The following NDST4 variants were observed in gnomAD, a reference collection of about 807,000 sequenced individuals.
NDST4 encodes N-heparan sulfate sulfotransferase 4.
NDST4 carries 63 observed loss-of-function variants against 100.8 expected under a neutral mutation model. That is an observed-to-expected ratio of 0.62 (90% CI 0.51 to 0.77). The LOEUF is 0.77. Among genes scored for constraint, NDST4 ranks in the 30% least tolerant of loss-of-function variants. The probability of loss-of-function intolerance (pLI) is 0.00; values close to 1 mark genes in which losing one functional copy is unlikely to be tolerated. For synonymous variants in NDST4, 377 were observed against 361.8 expected, an observed-to-expected ratio of 1.04 and a Z score of -0.48; for missense variants, 943 against 1,018.4, an observed-to-expected ratio of 0.93 and a Z score of 1.01.
intron 6 of NDST4, among the ~76,000 whole-genome samples, chr4:114,886,773 A>T (rs1235036317): frequency 6.6e-6 from 1 of 152,164 alleles, no homozygotes; most frequent in African/African-American, 2.4e-5. Context: ...GAGAAAAAAA[A>T]TCCAGCAAGT....
chr4:114,941,338 C>T (rs1725745521), intron 4 of NDST4, among the ~76,000 whole-genome samples: 1 of 151,908 alleles, frequency 6.6e-6, no homozygotes, highest in African/African-American at 2.4e-5. Flanking sequence ...TGTGACCCCT[C>T]CCCTCCCCTC....
chr4:115,013,527 G>A (rs1727607004), intron 2 of NDST4, among the ~76,000 whole-genome samples: 1 of 151,420 alleles, frequency 6.6e-6, no homozygotes, highest in Admixed American at 6.6e-5. Flanking sequence ...GATGTTTTAG[G>A]GACTATAGAG....
intron 2 of NDST4, among the ~76,000 whole-genome samples, chr4:114,977,908 T>G (rs1013235030): frequency 6.6e-6 from 1 of 151,974 alleles, no homozygotes; most frequent in East Asian, 1.9e-4. Flanking sequence ...TGACAAACAT[T>G]TCCCTAGTTT....
At chr4:115,084,611 G>A (rs1729371441) in intron 1 of NDST4, among the ~76,000 whole-genome samples, 1 of 152,166 alleles carries the variant, frequency 6.6e-6, no homozygotes, top group East Asian at 1.9e-4. Flanking sequence ...CGTGCCTCAG[G>A]CTACTCCAGC....
At chr4:115,057,492 C>T (rs377214767) in intron 2 of NDST4, among the ~76,000 whole-genome samples, 4 of 152,002 alleles carry the variant, frequency 2.6e-5, no homozygotes, top group South Asian at 4.1e-4. Context: ...AACCCATGAG[C>T]GGCCTGCAGA....
At chr4:114,947,805 A>G (rs986730998) in intron 4 of NDST4, among the ~76,000 whole-genome samples, 7 of 152,120 alleles carry the variant, frequency 4.6e-5, no homozygotes, top group African/African-American at 1.7e-4. Context: ...TAGTACCTCA[A>G]ATATTTATGT....
chr4:114,925,708 G>A (rs1204795663), intron 6 of NDST4, among the ~76,000 whole-genome samples: 1 of 152,010 alleles, frequency 6.6e-6, no homozygotes, highest in Non-Finnish European at 1.5e-5. Context: ...AATAGGTGAG[G>A]TTTAGTGAGT....
At chr4:115,001,478 G>A (rs1212322417) in intron 2 of NDST4, among the ~76,000 whole-genome samples, 1 of 150,938 alleles carries the variant, frequency 6.6e-6, no homozygotes, top group Non-Finnish European at 1.5e-5. Flanking sequence ...TTTTTTTCCT[G>A]CTTTTTATAC....
At chr4:115,083,322 G>A (rs773069881) in intron 1 of NDST4, among the ~76,000 whole-genome samples, 23 of 151,932 alleles carry the variant, frequency 1.5e-4, no homozygotes, top group Non-Finnish European at 2.4e-4. Flanking sequence ...AGGCAGGTGC[G>A]GTGGTGTGAA....
intron 1 of NDST4, among the ~76,000 whole-genome samples, chr4:115,098,539 GA>G (rs1729665587): frequency 6.6e-6 from 1 of 152,020 alleles, no homozygotes; most frequent in East Asian, 1.9e-4. Flanking sequence ...TATTAAAGGA[GA>G]ATAACAAAGT....
At chr4:115,018,984 C>T (rs1387815747) in intron 2 of NDST4, among the ~76,000 whole-genome samples, 1 of 151,890 alleles carries the variant, frequency 6.6e-6, no homozygotes, top group Non-Finnish European at 1.5e-5. Context: ...AGACAACATT[C>T]CTTCCACTAC....
intron 6 of NDST4, among the ~76,000 whole-genome samples, chr4:114,875,865 T>A (rs998689598): frequency 6.6e-6 from 1 of 152,180 alleles, no homozygotes; most frequent in African/African-American, 2.4e-5. Flanking sequence ...CCTACTTGTA[T>A]GACAAATAGA....
intron 2 of NDST4, among the ~76,000 whole-genome samples, chr4:115,001,185 C>A (rs1388641794): frequency 1.3e-5 from 2 of 152,022 alleles, no homozygotes; most frequent in Non-Finnish European, 2.9e-5. Context: ...GCTAATCAAT[C>A]ATTTTCCTTT....
At chr4:114,879,410 CA>C (rs1374240631) in intron 6 of NDST4, among the ~76,000 whole-genome samples, 1 of 152,156 alleles carries the variant, frequency 6.6e-6, no homozygotes, top group African/African-American at 2.4e-5. Context: ...AGACATCACT[CA>C]AGGGTAGTAT....
intron 2 of NDST4, among the ~76,000 whole-genome samples, chr4:114,998,807 TG>T (rs1300397732): frequency 6.6e-6 from 1 of 152,092 alleles, no homozygotes; most frequent in Non-Finnish European, 1.5e-5. Flanking sequence ...AAAGGACTCT[TG>T]CTGGTAAATA....
intron 7 of NDST4, among the ~76,000 whole-genome samples, chr4:114,869,724 A>T (rs1448710530): frequency 6.6e-6 from 1 of 152,130 alleles, no homozygotes; most frequent in Non-Finnish European, 1.5e-5. Flanking sequence ...TTTAAAACAC[A>T]TTTTTGAAAT....
chr4:114,883,928 T>A lies in NDST4; in HGVS notation c.1537-12978A>T, dbSNP rs1408769723. ...TGATCTGACAGAGGCATATTTCAGG[T>A]TGTAATGCTAGCTTGCCCTCTGCTC... On this transcript the variant is annotated intron_variant, in intron 6 of 13. Transcript: ENST00000264363. Among the ~76,000 whole-genome samples the A allele has an allele frequency of 3.3e-5, 5 of 152,178 alleles. No homozygotes were observed. The East Asian group carries it at 9.6e-4, about 29-fold the overall frequency.
In NDST4 at chr4:115,076,104, T is replaced by C; in HGVS notation, c.933A>G (p.Ile311Met). The C allele has an allele frequency of 2.5e-6, 4 of 1,613,544 alleles. No individual in the cohort carries two copies. The highest frequency in any genetic ancestry group is 3.4e-6 in the Non-Finnish European group (4 of 1,179,750). The change falls in exon 2 of 14, where the codon ATA (isoleucine) becomes ATG (methionine). Residue 311 changes from isoleucine (I) to methionine (M), a missense_variant. Transcript: ENST00000264363. ...DRYILVDIDD[I>M]FVGKEGTRMN... ...TCCTTGTTCCCTCTTTCCCAACAAATATATCATCAATGTCCACAAGGATGT... is the reference window on the plus strand; with the variant it reads ...TCCTTGTTCCCTCTTTCCCAACAAACATATCATCAATGTCCACAAGGATGT...
Position 115,076,774 on chromosome 4 carries a change from T to A in NDST4, c.263A>T (p.Tyr88Phe). 5 of 1,613,846 alleles carry A rather than the reference T, an allele frequency of 3.1e-6. No homozygotes were observed. The highest frequency in any genetic ancestry group is 4.2e-6 in the Non-Finnish European group (5 of 1,179,906). ...PTVLLFVESQ[Y>F]SQLGQDIIAI... ...TATGATATCTTGACCGAGTTGAGAG[T>A]ATTGGCTCTCCACGAAGAGAAGGAC... is the stretch of plus-strand genomic sequence containing the variant. The change falls in exon 2 of 14, where the codon TAC becomes TTC. Residue 88 changes from tyrosine to phenylalanine, a missense_variant. Tyr to Phe is a conservative substitution (Grantham distance 22, BLOSUM62 3). Around this residue, in one of 2 missense-constraint regions of NDST4, gnomAD observed 417 missense variants for 384.2 expected, o/e 1.09. Transcript: ENST00000264363.
Sources: gnomAD v4.1 joint callset for allele counts (sites outside exome capture counted in the v4.1 genomes callset) on GRCh38, gnomAD v4.1.1 for gene constraint, gnomAD v4.1.1 regional missense constraint, MANE v1.5 for transcripts, NCBI Gene and HGNC (gene_info 2026-07-23, HGNC 2026-07-21) for gene names.